CSMD1: variants seen among roughly 807,000 people sequenced by gnomAD.
The protein encoded by CSMD1 is CUB and Sushi multiple domains 1.
A neutral mutation model predicts 417.5 loss-of-function variants in CSMD1; 213 were observed. The ratio of observed to expected loss-of-function variants is 0.51; its 90% CI spans 0.46 to 0.57. The LOEUF is 0.57. Ranked by LOEUF, CSMD1 falls within the 20% of genes least tolerant of loss-of-function variation. The pLI is 0.00. For synonymous variants in CSMD1, 2,862 were observed against 1,736.8 expected, an observed-to-expected ratio of 1.65 and a Z score of -16.11; for missense variants, 6,923 against 4,529.7, an observed-to-expected ratio of 1.53 and a Z score of -15.17.
Position 4,531,329 on chromosome 8 carries a change from A to T in CSMD1, c.302+106013T>A, listed in dbSNP as rs191511036. ...CCGTGGAATGTATTCAGGTCATTTA[A>T]TCATAAGCTTCAAGAACAGAGTCTA... is the stretch of plus-strand genomic sequence containing the variant. On this transcript the variant is annotated intron_variant, in intron 2 of 69. Coordinates refer to ENST00000635120, the MANE Select transcript of CSMD1 (RefSeq NM_033225.6). Among the ~76,000 whole-genome samples the T allele has an allele frequency of 2.5e-3, 380 of 152,326 alleles. 2 individuals are homozygous for T. The highest frequency in any genetic ancestry group is 8.6e-3 in the African/African-American group (358 of 41,586).
chr8:4,214,745 A>G (rs1003492724), intron 3 of CSMD1, among the ~76,000 whole-genome samples: 1 of 152,182 alleles, frequency 6.6e-6, no homozygotes, highest in Non-Finnish European at 1.5e-5. Flanking sequence ...ATATTCCCAT[A>G]TTTGACATAT....
intron 3 of CSMD1, among the ~76,000 whole-genome samples, chr8:4,075,672 T>C (rs1360001342): frequency 3.9e-5 from 6 of 152,208 alleles, no homozygotes; most frequent in Non-Finnish European, 8.8e-5. Flanking sequence ...GTGAGACGTT[T>C]TGGAGCACTG....
intron 11 of CSMD1, 70 bp from the exon 12 acceptor site, chr8:3,468,894 G>A: frequency 1.9e-6 from 2 of 1,032,316 alleles, no homozygotes; most frequent in East Asian, 2.6e-5. Flanking sequence ...CTGAAAGGAG[G>A]GTCTTGCTGC....
intron 1 of CSMD1, among the ~76,000 whole-genome samples, chr8:4,672,682 G>C (rs1323044983): frequency 1.4e-5 from 2 of 147,764 alleles, no homozygotes; most frequent in African/African-American, 2.5e-5. Flanking sequence ...AGAAAGGGGA[G>C]AAAGGAAGTA....
At chr8:3,125,875 G>C (rs533211847) in intron 41 of CSMD1, among the ~76,000 whole-genome samples, 7 of 152,198 alleles carry the variant, frequency 4.6e-5, no homozygotes, top group African/African-American at 1.7e-4. Context: ...TACTCGGGAG[G>C]CTGAGGCAGG....
chr8:4,447,808 TAAG>T (rs1563184553), intron 2 of CSMD1, among the ~76,000 whole-genome samples: 1 of 152,116 alleles, frequency 6.6e-6, no homozygotes, highest in African/African-American at 2.4e-5. Context: ...CGAACACAAC[TAAG>T]AAGTCACAAC....
At chr8:3,501,176 A>T (rs1796584409) in intron 10 of CSMD1, among the ~76,000 whole-genome samples, 1 of 152,336 alleles carries the variant, frequency 6.6e-6, no homozygotes, top group Non-Finnish European at 1.5e-5. Flanking sequence ...ATTCAGTTAA[A>T]CCAAAAGAAT....
At chr8:4,852,950 C>T (rs1429012331) in intron 1 of CSMD1, among the ~76,000 whole-genome samples, 1 of 152,124 alleles carries the variant, frequency 6.6e-6, no homozygotes, top group Non-Finnish European at 1.5e-5. Context: ...AATTTCTAAG[C>T]AGCAATGCAT....
chr8:4,817,272 G>C (rs1273754810), intron 1 of CSMD1, among the ~76,000 whole-genome samples: 2 of 152,094 alleles, frequency 1.3e-5, no homozygotes, highest in Non-Finnish European at 2.9e-5. Context: ...ACTAATATGT[G>C]TGCCAGGCCT....
rs181235941 is a variant in CSMD1 at position 4,473,575 on chromosome 8, G to A, written c.303-53510C>T. Among the ~76,000 whole-genome samples the A allele has an allele frequency of 1.9e-3, 282 of 152,262 alleles. 1 individual carries two copies. The highest frequency in any genetic ancestry group is 3.2e-3 in the Non-Finnish European group (220 of 68,026). On this transcript the variant is annotated intron_variant, in intron 2 of 69. Coordinates refer to ENST00000635120, the MANE Select transcript of CSMD1 (RefSeq NM_033225.6). ...CTTCTGCCTCTCCATATCAATAGTA[G>A]TTATGCACAAATACGGACAAGATGA...
intron 2 of CSMD1, among the ~76,000 whole-genome samples, chr8:4,569,664 TA>T (rs1397035752): frequency 6.6e-6 from 1 of 152,138 alleles, no homozygotes; most frequent in Non-Finnish European, 1.5e-5. Context: ...AGTTTTTTTC[TA>T]ATTCTGTGAA....
At chr8:4,107,459 G>C (rs1002492703) in intron 3 of CSMD1, among the ~76,000 whole-genome samples, 2 of 152,186 alleles carry the variant, frequency 1.3e-5, no homozygotes, top group African/African-American at 4.8e-5. Flanking sequence ...TAAAGCACTG[G>C]ATAATGATTA....
At chr8:4,385,336 C>T (rs1345687639) in intron 3 of CSMD1, among the ~76,000 whole-genome samples, 2 of 152,314 alleles carry the variant, frequency 1.3e-5, no homozygotes, top group African/African-American at 2.4e-5. Context: ...TCACCTAAAA[C>T]GGGCCCTTCA....
intron 12 of CSMD1, among the ~76,000 whole-genome samples, chr8:3,442,307 TAA>T (rs1815035997): frequency 6.6e-6 from 1 of 152,196 alleles, no homozygotes; most frequent in Non-Finnish European, 1.5e-5. Context: ...ACAGTGTTTA[TAA>T]GTCTACAGCA....
At chr8:4,682,429 T>C (rs1806110509) in intron 1 of CSMD1, among the ~76,000 whole-genome samples, 1 of 152,166 alleles carries the variant, frequency 6.6e-6, no homozygotes, top group Admixed American at 6.5e-5. Context: ...CAAATTTCGA[T>C]GATTTGCTAT....
chr8:3,975,121 T>C (rs959337228), intron 5 of CSMD1, among the ~76,000 whole-genome samples: 2 of 152,212 alleles, frequency 1.3e-5, no homozygotes, highest in African/African-American at 4.8e-5. Context: ...AAAACCACTA[T>C]GCATGTTTCC....
At chr8:4,054,575 G>T (rs894928628) in intron 3 of CSMD1, among the ~76,000 whole-genome samples, 4 of 152,084 alleles carry the variant, frequency 2.6e-5, no homozygotes, top group Non-Finnish European at 4.4e-5. Context: ...CAACCCTCTT[G>T]GTGGTGTAGT....
intron 2 of CSMD1, among the ~76,000 whole-genome samples, chr8:4,508,032 A>T (rs1724726695): frequency 6.6e-6 from 1 of 151,792 alleles, no homozygotes; most frequent in African/African-American, 2.4e-5. Context: ...AGAGAAATTA[A>T]AATTGTCCCT....
intron 54 of CSMD1, among the ~76,000 whole-genome samples, chr8:2,989,709 C>T (rs2128946796): frequency 6.6e-6 from 1 of 152,166 alleles, no homozygotes; most frequent in Non-Finnish European, 1.5e-5. Flanking sequence ...TTCTTCTTCT[C>T]TTCCTTGGGA....
Sources: gnomAD v4.1 joint callset for allele counts (sites outside exome capture counted in the v4.1 genomes callset) on GRCh38, gnomAD v4.1.1 for gene constraint, MANE v1.5 for transcripts, NCBI Gene and HGNC (gene_info 2026-07-23, HGNC 2026-07-21) for gene names.